The following PDK1 variants were observed in gnomAD, a reference collection of about 807,000 sequenced individuals.
PDK1 encodes the protein pyruvate dehydrogenase kinase 1.
Under a neutral mutation model 54.2 loss-of-function variants are expected in PDK1, and 39 were observed. The observed-to-expected ratio is 0.72, with a 90% CI of 0.56 to 0.94. PDK1 has a LOEUF of 0.94. Among genes scored for constraint, PDK1 ranks in the 40% least tolerant of loss-of-function variants. PDK1 has a pLI of 0.00. For synonymous variants in PDK1, 221 were observed against 207.1 expected (o/e 1.07, Z -0.58); for missense variants, 552 against 566.0 (o/e 0.98, Z 0.25).
the PDK1 span, among the ~76,000 whole-genome samples, chr2:172,641,480 C>T: frequency 9.5e-5 from 14 of 146,744 alleles, no homozygotes; most frequent in Non-Finnish European, 1.3e-4. Flanking sequence ...CTTGCACTGT[C>T]GCCCAGGCTA....
At chr2:172,627,369 G>GAGTT in the PDK1 span, among the ~76,000 whole-genome samples, 1 of 152,224 alleles carries the variant, frequency 6.6e-6, no homozygotes, top group African/African-American at 2.4e-5. Flanking sequence ...GCAGCTGGTA[G>GAGTT]AGTTTATAGA....
the PDK1 span, chr2:172,674,819 C>T: frequency 8.1e-4 from 124 of 152,400 alleles, no homozygotes; most frequent in African/African-American, 2.5e-3. Context: ...GCTGCCGGGC[C>T]GGGCCCTGGG....
At chr2:172,698,466 C>G in the PDK1 span, among the ~76,000 whole-genome samples, 2 of 152,214 alleles carry the variant, frequency 1.3e-5, no homozygotes, top group Admixed American at 1.3e-4. Flanking sequence ...TCCTACCCCT[C>G]AGGAAGAAAG....
Position 172,556,204 on chromosome 2 carries a change from G to A in PDK1, c.54G>A (p.Gly18=), listed in dbSNP as rs1043302383. The A allele has an allele frequency of 3.0e-5, 43 of 1,417,434 alleles. No homozygotes were observed. The highest frequency in any genetic ancestry group is 9.1e-5 in the East Asian group (3 of 32,808). 87.8% of individuals were successfully genotyped at this position (1,417,434 alleles called of 1,614,324 possible). ...RGAALAGPGP[G]LRAAGFSRSF... ...CCGCCTTGGCCGGCCCGGGCCCGGGGCTGCGCGCCGCCGGCTTCAGCCGCA... is the reference window on the plus strand; with the variant it reads ...CCGCCTTGGCCGGCCCGGGCCCGGGACTGCGCGCCGCCGGCTTCAGCCGCA... The change falls in exon 1 of 11, where the codon GGG becomes GGA. Residue 18 remains glycine, a synonymous_variant. Transcript: ENST00000282077.
At chr2:172,625,282 C>A in the PDK1 span, among the ~76,000 whole-genome samples, 2 of 152,320 alleles carry the variant, frequency 1.3e-5, no homozygotes, top group Admixed American at 1.3e-4. Context: ...CAACCACTCT[C>A]CCCGTCCCCA....
chr2:172,659,333 C>T, the PDK1 span, among the ~76,000 whole-genome samples: 2 of 152,174 alleles, frequency 1.3e-5, no homozygotes, highest in African/African-American at 4.8e-5. Flanking sequence ...ACCCAAGTAA[C>T]TACCCTAGCC....
chr2:172,614,261 C>T, the PDK1 span, among the ~76,000 whole-genome samples: 61 of 152,216 alleles, frequency 4.0e-4, no homozygotes, highest in African/African-American at 1.4e-3. Context: ...CAGTAAGTCC[C>T]CACCTTCCAG....
chr2:172,714,586 A>G, the PDK1 span, among the ~76,000 whole-genome samples: 2 of 150,378 alleles, frequency 1.3e-5, 1 homozygote, highest in South Asian at 4.2e-4. Flanking sequence ...TATACAATTA[A>G]ATATAACAAA....
the PDK1 span, among the ~76,000 whole-genome samples, chr2:172,687,136 A>C: frequency 6.6e-6 from 1 of 152,136 alleles, no homozygotes; most frequent in Non-Finnish European, 1.5e-5. Context: ...TTGTAAAGAG[A>C]AACATACAAT....
chr2:172,602,843 C>T lies in PDK1; in HGVS notation c.*6874C>T, dbSNP rs1257070026. 6.6e-6 allele frequency: 1 copy of T among 152,160 alleles called. No individual in the cohort carries two copies. Among genetic ancestry groups the T allele is most frequent in the Admixed American group, 6.5e-5 (1 of 15,274 alleles). The allele number at this position is 152,160 out of a possible 1,614,324, so 9.4% of individuals were successfully genotyped here. A position where few individuals can be genotyped will look rare whatever the true frequency, so the allele number is the denominator to read the frequency against. Reference sequence around the variant, plus strand: ...AAGGTCCCTTTAATCTTAAAACCAACTCTCAGTGACCAACAAAAGCAACAA... The same window carrying T: ...AAGGTCCCTTTAATCTTAAAACCAATTCTCAGTGACCAACAAAAGCAACAA... On this transcript the variant is annotated 3_prime_UTR_variant, in exon 11 of 11. Coordinates refer to ENST00000282077, the MANE Select transcript of PDK1 (RefSeq NM_002610.5).
chr2:172,636,449 A>G, the PDK1 span, among the ~76,000 whole-genome samples: 150,250 of 152,250 alleles, frequency 0.99, 74,183 homozygotes, highest in Middle Eastern at 1. Context: ...GCCGGGCGCG[A>G]TGGCTCATGC....
At chr2:172,620,781 T>C in the PDK1 span, among the ~76,000 whole-genome samples, 1 of 152,154 alleles carries the variant, frequency 6.6e-6, no homozygotes, top group Non-Finnish European at 1.5e-5. Context: ...AAGTGCCTGC[T>C]CTCCCTTTGC....
rs1691164826 is a variant in PDK1 at position 172,602,999 on chromosome 2, T to A, written c.*7030T>A. ...TCACTTAACCAATGGAAAGTAAGGTTAAATCTTTGTAAGCAATGCTCCTGA... is the reference window on the plus strand; with the variant it reads ...TCACTTAACCAATGGAAAGTAAGGTAAAATCTTTGTAAGCAATGCTCCTGA... On this transcript the variant is annotated 3_prime_UTR_variant, in exon 11 of 11. Coordinates refer to ENST00000282077, the MANE Select transcript of PDK1 (RefSeq NM_002610.5). 6.6e-6 allele frequency: 1 copy of A among 152,224 alleles called. No individual in the cohort carries two copies. The highest frequency in any genetic ancestry group is 2.4e-5 in the African/African-American group (1 of 41,456). 9.4% of individuals were successfully genotyped at this position (152,224 alleles called of 1,614,324 possible). A position where few individuals can be genotyped will look rare whatever the true frequency, so the allele number is the denominator to read the frequency against.
chr2:172,713,300 G>C, the PDK1 span, among the ~76,000 whole-genome samples: 1 of 152,198 alleles, frequency 6.6e-6, no homozygotes, highest in Admixed American at 6.5e-5. Context: ...AAAAAGTACT[G>C]TAAGTTTTCA....
chr2:172,639,053 A>T, the PDK1 span, among the ~76,000 whole-genome samples: 6 of 152,216 alleles, frequency 3.9e-5, no homozygotes, highest in African/African-American at 1.4e-4. Flanking sequence ...TAAAATAGAG[A>T]CAAGGTCTCA....
the PDK1 span, among the ~76,000 whole-genome samples, chr2:172,709,839 A>C: frequency 6.6e-6 from 1 of 152,224 alleles, no homozygotes; most frequent in African/African-American, 2.4e-5. Context: ...TATTCAATTC[A>C]GTGATGGACA....
At chr2:172,698,683 C>T in the PDK1 span, among the ~76,000 whole-genome samples, 1 of 152,198 alleles carries the variant, frequency 6.6e-6, no homozygotes, top group Admixed American at 6.5e-5. Flanking sequence ...GTAACAAATT[C>T]CCAGGTGACG....
intron 1 of PDK1, among the ~76,000 whole-genome samples, chr2:172,557,442 C>T (rs1299444047): frequency 1.3e-5 from 2 of 152,090 alleles, no homozygotes; most frequent in African/African-American, 2.4e-5. Context: ...CATTCTACAA[C>T]GATTCTGCTT....
chr2:172,623,975 T>A, the PDK1 span, among the ~76,000 whole-genome samples: 1 of 152,156 alleles, frequency 6.6e-6, no homozygotes, highest in Non-Finnish European at 1.5e-5. Context: ...TGGCTGTTGT[T>A]TTTGCAGCTA....
Sources: gnomAD v4.1 joint callset for allele counts (sites outside exome capture counted in the v4.1 genomes callset) on GRCh38, gnomAD v4.1.1 for gene constraint, MANE v1.5 for transcripts, NCBI Gene and HGNC (gene_info 2026-07-23, HGNC 2026-07-21) for gene names.